Variants in PIAS4 observed in about 807,000 individuals in gnomAD.
PIAS4 encodes the protein protein inhibitor of activated STAT 4.
Under a neutral mutation model 58.0 loss-of-function variants are expected in PIAS4, and 7 were observed. That is an observed-to-expected ratio of 0.12 (90% confidence interval 0.07 to 0.23). The LOEUF (loss-of-function observed/expected upper bound fraction) is 0.23, where lower values mean the gene tolerates loss of function less well. PIAS4 is among the 10% of genes least tolerant of loss of function. The pLI is 1.00. For missense variants in PIAS4, 550 were observed against 709.5 expected, an observed-to-expected ratio of 0.78 and a Z score of 2.55; for synonymous variants, 364 against 312.4, an observed-to-expected ratio of 1.17 and a Z score of -1.74.
chr19:4,008,079 C>T (rs1380854469), intron 1 of PIAS4, among the ~76,000 whole-genome samples: 4 of 152,058 alleles, frequency 2.6e-5, no homozygotes, highest in East Asian at 3.9e-4. Context: ...TCCCTGAGCG[C>T]CAGGCCAGGG....
Position 4,037,468 on chromosome 19 carries a change from C to G in PIAS4, c.1237C>G (p.Arg413Gly), listed in dbSNP as rs368259481. Residue 413 changes from arginine to glycine, a missense_variant, in exon 10 of 11, where the codon CGC becomes GGC. Arg to Gly is a moderately radical substitution (Grantham distance 125). Transcript: ENST00000262971. The surrounding 1 kb of genome is among the most constrained non-coding windows in gnomAD (Gnocchi z 5.8). ...SWCPIRAEKE[R>G]SCSPQGAILV... is the part of the protein sequence containing the mutation. ...GTGCCCGATCCGCGCCGAAAAGGAG[C>G]GCAGCTGCAGCCCGCAGGGCGCCAT... 3 of 1,611,430 alleles carry G rather than the reference C, an allele frequency of 1.9e-6. No homozygotes were observed. The highest frequency in any genetic ancestry group is 1.7e-6 in the Non-Finnish European group (2 of 1,179,524).
intron 1 of PIAS4, among the ~76,000 whole-genome samples, chr19:4,010,333 CA>C (rs952819451): frequency 1.3e-5 from 2 of 152,198 alleles, no homozygotes; most frequent in African/African-American, 4.8e-5. Context: ...CTGGGTGGGG[CA>C]GGGGCTCCCG....
Position 4,024,106 on chromosome 19 carries a change from G to A in PIAS4, c.525G>A (p.Leu175=). Residue 175 remains leucine (L), a synonymous_variant, in exon 3 of 11, where the codon TTG becomes TTA. Coordinates refer to ENST00000262971, the MANE Select transcript of PIAS4 (RefSeq NM_015897.4). Reference sequence around the variant, plus strand: ...CATTGACGCCAAGACAGGTGGAGTTGATCCGGAACTCCAGGTGTGCGGCAC... The same window carrying A: ...CATTGACGCCAAGACAGGTGGAGTTAATCCGGAACTCCAGGTGTGCGGCAC... The part of the protein sequence containing the change: ...IFALTPRQVE[L]IRNSRELQPG... 6.2e-7 allele frequency: 1 copy of A among 1,612,310 alleles called. No homozygotes were observed. Among genetic ancestry groups the A allele is most frequent in the Non-Finnish European group, 8.5e-7 (1 of 1,178,368 alleles).
intron 2 of PIAS4, among the ~76,000 whole-genome samples, chr19:4,016,335 C>T (rs2040053691): frequency 1.3e-5 from 2 of 152,260 alleles, no homozygotes; most frequent in Non-Finnish European, 2.9e-5. Flanking sequence ...GCCTGCCCAC[C>T]CGCCTGCTGT....
chr19:4,027,626 A>G (rs1486511006), intron 3 of PIAS4, among the ~76,000 whole-genome samples: 1 of 142,692 alleles, frequency 7.0e-6, no homozygotes, highest in Non-Finnish European at 1.5e-5. Context: ...GCAGTGGTGC[A>G]ATCATAGCTT....
In PIAS4 at chr19:4,037,383, G is replaced by C; in HGVS notation, c.1152G>C (p.Ser384=). Residue 384 remains serine, a synonymous_variant, in exon 10 of 11, where the codon TCG becomes TCC. Coordinates refer to ENST00000262971, the MANE Select transcript of PIAS4 (RefSeq NM_015897.4). The surrounding 1 kb of genome is among the most constrained non-coding windows in gnomAD (Gnocchi z 5.8). ...GTCCGCCTCGCCCCAGGCTCCTCTC[G>C]AAGATCCTGAGCGAGTGTGAGGACG... ...YDQLIIDGLL[S]KILSECEDAD... is the part of the protein sequence containing the mutation. 6.2e-7 allele frequency: 1 copy of C among 1,605,392 alleles called. No individual in the cohort carries two copies. Among genetic ancestry groups the C allele is most frequent in the South Asian group, 1.1e-5 (1 of 90,890 alleles).
chr19:4,021,350 T>C (rs1002262375), intron 2 of PIAS4, among the ~76,000 whole-genome samples: 6 of 152,078 alleles, frequency 3.9e-5, no homozygotes, highest in Non-Finnish European at 8.8e-5. Context: ...GGTTACCATA[T>C]TGTCCAGGCT....
chr19:4,029,113 G>T, intron 7 of PIAS4, 77 bp downstream of exon 7: 1 of 1,062,320 alleles, frequency 9.4e-7, no homozygotes, highest in South Asian at 1.4e-5. Flanking sequence ...GTGAAGCGGG[G>T]GGCCCTGCAC....
chr19:4,019,960 G>A (rs2084109), intron 2 of PIAS4, among the ~76,000 whole-genome samples: 49,731 of 150,134 alleles, frequency 0.33, 8,725 homozygotes, highest in African/African-American at 0.43. Context: ...GCTGTCGCCC[G>A]GGCTGGAGTG....
At chr19:4,026,089 A>G (rs947777356) in intron 3 of PIAS4, among the ~76,000 whole-genome samples, 11 of 150,868 alleles carry the variant, frequency 7.3e-5, no homozygotes, top group Non-Finnish European at 1.3e-4. Flanking sequence ...AAAAAAAAAA[A>G]AAAAGTTTGG....
In PIAS4 at chr19:4,027,517, C is replaced by T. The variant is rs1425801613; in HGVS notation, c.540-629C>T. Among the ~76,000 whole-genome samples the T allele has an allele frequency of 2.0e-5, 3 of 150,270 alleles. No individual in the cohort carries two copies. The East Asian group carries it at 5.9e-4, about 29-fold the overall frequency. On this transcript the variant is annotated intron_variant, in intron 3 of 10. Transcript: ENST00000262971. ...TTGGGTAGATAGACTTTTTCCTCTT[C>T]TTCTGGGGGCGTTTCTTGTTAAAGT...
rs1399321865 is a variant in PIAS4, at chr19:4,028,702, C to T, written c.673-18C>T. 20 of 1,603,864 alleles carry T rather than the reference C, an allele frequency of 1.2e-5. No homozygotes were observed. The highest frequency in any genetic ancestry group is 2.7e-5 in the African/African-American group (2 of 74,734). Reference sequence around the variant, plus strand: ...CAGCCGCTCTTGGCTCGAGGCTGAGCGGCCCATCTGCTTGCAGGGCTACTA... The same window carrying T: ...CAGCCGCTCTTGGCTCGAGGCTGAGTGGCCCATCTGCTTGCAGGGCTACTA... On this transcript the variant is annotated intron_variant, in intron 5 of 10. Transcript: ENST00000262971.
intron 3 of PIAS4, among the ~76,000 whole-genome samples, chr19:4,027,510 T>G (rs535869911): frequency 2.0e-5 from 3 of 152,056 alleles, no homozygotes; most frequent in Admixed American, 2.0e-4. Flanking sequence ...ATAGACTTTT[T>G]CCTCTTCTTC....
At chr19:4,022,494 G>C (rs1599222707) in intron 2 of PIAS4, among the ~76,000 whole-genome samples, 1 of 152,056 alleles carries the variant, frequency 6.6e-6, no homozygotes, top group Admixed American at 6.5e-5. Context: ...AGCCTCCCTA[G>C]TAGCTGGGAC....
chr19:4,032,063 C>G (rs967029891), intron 7 of PIAS4, among the ~76,000 whole-genome samples: 3 of 152,172 alleles, frequency 2.0e-5, no homozygotes, highest in Non-Finnish European at 4.4e-5. Context: ...GAAGAGCCCA[C>G]TGCTCCACAC....
At chr19:4,033,242 G>T in intron 8 of PIAS4, 69 bp downstream of exon 8, 2 of 1,514,312 alleles carry the variant, frequency 1.3e-6, no homozygotes, top group South Asian at 2.3e-5. Context: ...GCGGCCCTGG[G>T]CCCGGGGCGG....
At chr19:4,036,718 A>AG (rs111372040) in intron 9 of PIAS4, among the ~76,000 whole-genome samples, 2 of 120,576 alleles carry the variant, frequency 1.7e-5, no homozygotes, top group Non-Finnish European at 4.0e-5. Context: ...ACACACACAC[A>AG]TCTCTACAGT....
chr19:4,037,283 T>A lies in PIAS4; in HGVS notation c.1143-91T>A, dbSNP rs1348131208. 2.8e-6 allele frequency: 4 copies of A among 1,443,748 alleles called. No homozygotes were observed. Among genetic ancestry groups the A allele is most frequent in the Non-Finnish European group, 3.7e-6 (4 of 1,090,216 alleles). 89.4% of individuals were successfully genotyped at this position (1,443,748 alleles called of 1,614,324 possible). ...TGCTCTTGCAGAGAGAAGTGGGGAG[T>A]GCCTGGCTGCATCCGGGAGGGATGG... On this transcript the variant is annotated intron_variant, in intron 9 of 10. Coordinates refer to ENST00000262971, the MANE Select transcript of PIAS4 (RefSeq NM_015897.4). The surrounding 1 kb of genome is among the most constrained non-coding windows in gnomAD (Gnocchi z 5.8).
intron 5 of PIAS4, 28 bp downstream of exon 5, chr19:4,028,628 T>C (rs777978435): frequency 1.2e-6 from 2 of 1,610,594 alleles, no homozygotes; most frequent in African/African-American, 1.3e-5. Context: ...CCGCGTCGGC[T>C]GCACGGGTTT....
Sources: allele counts gnomAD v4.1 joint callset (sites outside exome capture counted in the v4.1 genomes callset), GRCh38; gene constraint gnomAD v4.1.1; non-coding constraint Gnocchi (gnomAD v3.1); transcripts MANE v1.5; gene names NCBI Gene and HGNC (gene_info 2026-07-23, HGNC 2026-07-21).